The following MGST1 variants were observed in gnomAD, a reference collection of about 807,000 sequenced individuals.
MGST1 encodes the protein glutathione S-transferase 12.
MGST1 carries 5 observed loss-of-function variants against 8.9 expected under a neutral mutation model. The observed-to-expected ratio is 0.56, with a 90% CI of 0.29 to 1.19. The LOEUF is 1.19. Among genes scored for constraint, MGST1 ranks in the 50% most tolerant of loss-of-function variants. The pLI, the probability that MGST1 is intolerant of heterozygous loss-of-function variation, is 0.08. For synonymous variants in MGST1, 54 were observed against 67.8 expected (o/e 0.80, Z 1.00); for missense variants, 182 against 187.4 (o/e 0.97, Z 0.17).
At chr12:16,486,950 G>A (rs996802729) in intron 4 of MGST1, among the ~76,000 whole-genome samples, 1 of 152,108 alleles carries the variant, frequency 6.6e-6, no homozygotes, top group Non-Finnish European at 1.5e-5. Flanking sequence ...TCCAGGCCGC[G>A]ACTGTTTAAG....
downstream of MGST1, among the ~76,000 whole-genome samples, chr12:16,382,159 C>T (rs530168601): frequency 9.5e-4 from 145 of 152,284 alleles, 1 homozygote; most frequent in Non-Finnish European, 1.7e-3. Context: ...TTCTCTGTCC[C>T]GCTTTGTTCC....
intron 1 of MGST1, among the ~76,000 whole-genome samples, chr12:16,353,224 G>A (rs1260923937): frequency 2.0e-5 from 3 of 151,944 alleles, no homozygotes; most frequent in African/African-American, 7.3e-5. Context: ...TAGTAGAGAC[G>A]GGGTTTCACT....
intron 4 of MGST1, among the ~76,000 whole-genome samples, chr12:16,464,830 TTAAA>T (rs1941242865): frequency 6.6e-6 from 1 of 152,208 alleles, no homozygotes; most frequent in Non-Finnish European, 1.5e-5. Context: ...TGTAACAAGC[TTAAA>T]TAAATTTTTC....
intron 4 of MGST1, among the ~76,000 whole-genome samples, chr12:16,511,785 T>A (rs925739945): frequency 1.3e-5 from 2 of 152,138 alleles, no homozygotes; most frequent in Non-Finnish European, 2.9e-5. Context: ...CTAGCAACAA[T>A]TTCCTGAGGA....
At chr12:16,533,959 T>C (rs779237441) in intron 4 of MGST1, among the ~76,000 whole-genome samples, 3 of 152,098 alleles carry the variant, frequency 2.0e-5, no homozygotes, top group Non-Finnish European at 2.9e-5. Flanking sequence ...TCATAGAACA[T>C]GGCTATTCAG....
chr12:16,435,325 C>T (rs926452778), intron 1 of MGST1, among the ~76,000 whole-genome samples: 5 of 151,874 alleles, frequency 3.3e-5, no homozygotes, highest in Admixed American at 3.3e-4. Flanking sequence ...TCCTAGATTT[C>T]TACTTATAGC....
intron 4 of MGST1, among the ~76,000 whole-genome samples, chr12:16,510,860 A>G (rs1565466874): frequency 1.3e-5 from 2 of 152,314 alleles, no homozygotes; most frequent in East Asian, 1.9e-4. Context: ...GGCAAAATCA[A>G]TTTTTATGAA....
intron 4 of MGST1, among the ~76,000 whole-genome samples, chr12:16,486,065 A>G (rs1941397427): frequency 6.6e-6 from 1 of 152,108 alleles, no homozygotes; most frequent in South Asian, 2.1e-4. Context: ...TCAAACCCAC[A>G]TGGCTTGTTC....
Position 16,401,377 on chromosome 12 carries a change from C to A in MGST1, n.778+17773C>A. The A allele has an allele frequency of 7.0e-6, 8 of 1,150,434 alleles. No individual in the cohort carries two copies. Among genetic ancestry groups the A allele is most frequent in the Non-Finnish European group, 1.0e-5 (8 of 762,556 alleles). The allele number at this position is 1,150,434 out of a possible 1,614,324, so 71.3% of individuals were successfully genotyped here. On this transcript the variant is annotated intron_variant and non_coding_transcript_variant, in intron 1 of 1. Transcript: ENST00000359720. The surrounding 1 kb of genome is among the most constrained non-coding windows in gnomAD (Gnocchi z 4.3). ...ATGGAATTCAATTCCCACCCCAAAT[C>A]CTAGGTTTCTGGTAATTTTGTTCAG...
chr12:16,592,242 G>C (rs1943517612), downstream of MGST1, among the ~76,000 whole-genome samples: 1 of 152,002 alleles, frequency 6.6e-6, no homozygotes, highest in Admixed American at 6.6e-5. Flanking sequence ...AGATAGCAAA[G>C]CAAGTAATCA....
chr12:16,433,461 T>C (rs1771274904), intron 1 of MGST1, among the ~76,000 whole-genome samples: 1 of 152,054 alleles, frequency 6.6e-6, no homozygotes, highest in African/African-American at 2.4e-5. Flanking sequence ...GAAGAGCTCA[T>C]GTTTCAGTTT....
At chr12:16,583,053 A>AG (rs1943213625) in intron 4 of MGST1, among the ~76,000 whole-genome samples, 1 of 151,708 alleles carries the variant, frequency 6.6e-6, no homozygotes, top group Admixed American at 6.6e-5. Context: ...CCTCAAAAAA[A>AG]AAAAAAAAAA....
At chr12:16,382,562 T>A (rs1236284699), upstream of MGST1, among the ~76,000 whole-genome samples, 1 of 152,136 alleles carries the variant, frequency 6.6e-6, no homozygotes, top group African/African-American at 2.4e-5. Context: ...GGGGGGTGCC[T>A]CCCAGTTAGG....
intron 4 of MGST1, among the ~76,000 whole-genome samples, chr12:16,522,531 A>G (rs528988511): frequency 3.3e-5 from 5 of 151,910 alleles, no homozygotes; most frequent in African/African-American, 1.2e-4. Context: ...CTCTAGGGAA[A>G]TCATTACTTG....
intron 1 of MGST1, among the ~76,000 whole-genome samples, chr12:16,419,394 C>A (rs1163649768): frequency 6.6e-6 from 1 of 152,030 alleles, no homozygotes; most frequent in Admixed American, 6.6e-5. Flanking sequence ...AAGGCAGATA[C>A]TGGAACTTTA....
Position 16,459,056 on chromosome 12 carries a change from A to G in MGST1, n.482+75452A>G, listed in dbSNP as rs1341632343. Among the ~76,000 whole-genome samples the G allele has an allele frequency of 2.6e-5, 4 of 152,156 alleles. 1 individual carries two copies. The highest frequency in any genetic ancestry group is 5.9e-5 in the Non-Finnish European group (4 of 67,998). ...AAAATGCTTTAAACGACAAAAGTCTATTAAAACTTTATGATAGACAGGACA... is the reference window on the plus strand; with the variant it reads ...AAAATGCTTTAAACGACAAAAGTCTGTTAAAACTTTATGATAGACAGGACA... On this transcript the variant is annotated intron_variant and non_coding_transcript_variant, in intron 4 of 4. Transcript: ENST00000538857.
chr12:16,591,111 G>A (rs1000775896), downstream of MGST1, among the ~76,000 whole-genome samples: 7 of 151,898 alleles, frequency 4.6e-5, no homozygotes, highest in African/African-American at 7.3e-5. This position sits in a 1 kb window ranked among gnomAD's most constrained non-coding sequence, Gnocchi z 4.1. Flanking sequence ...AAATGTATAC[G>A]GGGCATTGTT....
Position 16,452,400 on chromosome 12 carries a change from C to CAA in MGST1, n.482+68808_482+68809dup, listed in dbSNP as rs35104776. Among the ~76,000 whole-genome samples, 294 of 138,592 alleles carry CAA rather than the reference C, an allele frequency of 2.1e-3. 1 individual carries two copies. The highest frequency in any genetic ancestry group is 2.3e-3 in the Non-Finnish European group (147 of 64,096). The allele number at this position is 138,592 out of a possible 152,430, so 90.9% of individuals were successfully genotyped here. A position where few individuals can be genotyped will look rare whatever the true frequency, so the allele number is the denominator to read the frequency against. ...TTAGATTGTGTCTATAGGAAGTGGC[C>CAA]AAAAAAAAAAAAATGGAAACTGTTT... On this transcript the variant is annotated intron_variant and non_coding_transcript_variant, in intron 4 of 4. Coordinates refer to the MGST1 transcript ENST00000538857.
chr12:16,590,935 A>G (rs962857776), downstream of MGST1, among the ~76,000 whole-genome samples: 1 of 152,082 alleles, frequency 6.6e-6, no homozygotes, highest in Non-Finnish European at 1.5e-5. Flanking sequence ...GCCAAATAAA[A>G]AGACATCCAA....
Sources: gnomAD v4.1 joint callset for allele counts (sites outside exome capture counted in the v4.1 genomes callset) on GRCh38, gnomAD v4.1.1 for gene constraint, Gnocchi (gnomAD v3.1) non-coding constraint, MANE v1.5 for transcripts, NCBI Gene and HGNC (gene_info 2026-07-23, HGNC 2026-07-21) for gene names.